The following NDUFA12 variants were observed in gnomAD, a reference collection of about 807,000 sequenced individuals.
NDUFA12 encodes the protein NADH dehydrogenase [ubiquinone] 1 alpha subcomplex subunit 12.
NDUFA12 carries 17 observed loss-of-function variants against 20.3 expected under a neutral mutation model. The observed-to-expected ratio is 0.84, with a 90% confidence interval of 0.57 to 1.26. The LOEUF (loss-of-function observed/expected upper bound fraction) is 1.26. Among genes scored for constraint, NDUFA12 ranks in the 50% most tolerant of loss-of-function variants. The pLI, the probability that NDUFA12 is intolerant of heterozygous loss-of-function variation, is 0.00. For synonymous variants in NDUFA12, 72 were observed against 63.6 expected (o/e 1.13, Z -0.63); for missense variants, 191 against 183.7 (o/e 1.04, Z -0.23).
chr12:94,984,438 G>A (rs913650954), intron 3 of NDUFA12, among the ~76,000 whole-genome samples: 14 of 151,996 alleles, frequency 9.2e-5, no homozygotes, highest in African/African-American at 2.9e-4. Flanking sequence ...GCTGACGCAG[G>A]AGAATCGCTT....
At chr12:95,002,424 A>AGACAGAGC (rs1555201696) in intron 2 of NDUFA12, among the ~76,000 whole-genome samples, 4 of 122,650 alleles carry the variant, frequency 3.3e-5, no homozygotes, top group African/African-American at 1.2e-4. Flanking sequence ...CCTGGCCGAC[A>AGACAGAGC]GAGACTCCAT....
intron 3 of NDUFA12, among the ~76,000 whole-genome samples, chr12:94,992,501 T>C (rs889506837): frequency 2.0e-5 from 3 of 152,234 alleles, no homozygotes; most frequent in African/African-American, 7.2e-5. Flanking sequence ...ATATATACTG[T>C]GATGTTGACA....
chr12:94,978,700 T>C (rs1320341126), intron 3 of NDUFA12, among the ~76,000 whole-genome samples: 1 of 152,196 alleles, frequency 6.6e-6, no homozygotes, highest in Admixed American at 6.5e-5. Context: ...CAAGAGAAAA[T>C]GATTGTTCCT....
chr12:94,998,693 T>A (rs1874916368), intron 2 of NDUFA12, among the ~76,000 whole-genome samples: 1 of 152,094 alleles, frequency 6.6e-6, no homozygotes, highest in South Asian at 2.1e-4. Flanking sequence ...ACAATGACCA[T>A]GCTGAGAATC....
chr12:94,985,982 G>C (rs902934249), intron 3 of NDUFA12, among the ~76,000 whole-genome samples: 1 of 152,186 alleles, frequency 6.6e-6, no homozygotes, highest in East Asian at 1.9e-4. Context: ...CTACTCAGGA[G>C]GCTGAGGCAG....
At position 94,974,658 on chromosome 12, in the gene NDUFA12, CA is replaced by C. The variant is rs1268556553; in HGVS notation, c.258-3039del. ...TACTTAAATACAATGGGGTACTATT[CA>C]GCCATAAAAAAGAACAACATCCTGT... On this transcript the variant is annotated intron_variant, in intron 3 of 3. Transcript: ENST00000327772. Among the ~76,000 whole-genome samples the C allele has an allele frequency of 6.6e-5, 10 of 152,226 alleles. No individual in the cohort carries two copies. The East Asian group carries it at 1.7e-3, about 26-fold the overall frequency.
chr12:94,972,229 A>G (rs1873913074), intron 3 of NDUFA12, among the ~76,000 whole-genome samples: 2 of 152,232 alleles, frequency 1.3e-5, no homozygotes, highest in South Asian at 4.2e-4. Flanking sequence ...TGCCCGGCCC[A>G]TTACTGTATC....
chr12:94,978,225 T>G (rs897886910), intron 3 of NDUFA12, among the ~76,000 whole-genome samples: 3 of 152,218 alleles, frequency 2.0e-5, no homozygotes, highest in African/African-American at 7.2e-5. Flanking sequence ...TTTAAAAATA[T>G]GCACTCTCAT....
At chr12:95,000,976 TA>T (rs1238032953) in intron 2 of NDUFA12, among the ~76,000 whole-genome samples, 1 of 152,226 alleles carries the variant, frequency 6.6e-6, no homozygotes, top group Middle Eastern at 3.2e-3. Context: ...AAAAAATGTT[TA>T]ATTCATCAGT....
chr12:94,988,888 C>T (rs990445160), intron 3 of NDUFA12, among the ~76,000 whole-genome samples: 2 of 151,970 alleles, frequency 1.3e-5, no homozygotes, highest in Admixed American at 1.3e-4. Context: ...TCTCAGGGTT[C>T]GAGCCGATAC....
chr12:94,987,447 C>T (rs1018342497), intron 3 of NDUFA12, among the ~76,000 whole-genome samples: 8 of 152,116 alleles, frequency 5.3e-5, no homozygotes, highest in Non-Finnish European at 8.8e-5. Flanking sequence ...GTTCAGAACA[C>T]GCTGCTCCAA....
chr12:94,979,011 T>C (rs927262891), intron 3 of NDUFA12, among the ~76,000 whole-genome samples: 6 of 152,184 alleles, frequency 3.9e-5, no homozygotes, highest in African/African-American at 1.4e-4. Context: ...TAGGTATATG[T>C]TATTTATAAT....
chr12:94,973,934 CAG>C (rs1433195726), intron 3 of NDUFA12, among the ~76,000 whole-genome samples: 1 of 149,384 alleles, frequency 6.7e-6, no homozygotes, highest in African/African-American at 2.5e-5. Context: ...ATTGCCACAC[CAG>C]AGAGTTTTAC....
chr12:94,995,338 G>A (rs1465661229), intron 2 of NDUFA12, among the ~76,000 whole-genome samples: 3 of 152,148 alleles, frequency 2.0e-5, no homozygotes, highest in African/African-American at 7.2e-5. Flanking sequence ...AATCCAGTGA[G>A]GCAGGGGAAT....
intron 3 of NDUFA12, among the ~76,000 whole-genome samples, chr12:94,975,829 G>A (rs753829396): frequency 5.3e-5 from 8 of 152,028 alleles, no homozygotes; most frequent in East Asian, 1.9e-4. Context: ...TGGGAGGATC[G>A]CTTGAGGCCA....
intron 2 of NDUFA12, chr12:94,996,996 A>G (rs1299286943): frequency 2.6e-6 from 1 of 382,962 alleles, no homozygotes; most frequent in Non-Finnish European, 5.0e-6. Context: ...AATAGTTTTT[A>G]GACAATCTCT....
At chr12:94,981,749 T>C (rs1874247393) in intron 3 of NDUFA12, among the ~76,000 whole-genome samples, 1 of 152,210 alleles carries the variant, frequency 6.6e-6, no homozygotes, top group Non-Finnish European at 1.5e-5. Context: ...GCTCAATATA[T>C]ATTTGTTGAA....
intron 3 of NDUFA12, among the ~76,000 whole-genome samples, chr12:94,988,347 C>A (rs1161849170): frequency 6.6e-6 from 1 of 152,130 alleles, no homozygotes; most frequent in Non-Finnish European, 1.5e-5. Flanking sequence ...GACGTACACA[C>A]TAAAGTATTC....
At chr12:94,996,422 C>T (rs1165818467) in intron 2 of NDUFA12, among the ~76,000 whole-genome samples, 5 of 151,470 alleles carry the variant, frequency 3.3e-5, no homozygotes, top group Non-Finnish European at 7.4e-5. Context: ...GATCCTCCCA[C>T]CTTAGCCTCC....
Sources: gnomAD v4.1 joint callset for allele counts (sites outside exome capture counted in the v4.1 genomes callset) on GRCh38, gnomAD v4.1.1 for gene constraint, MANE v1.5 for transcripts, NCBI Gene and HGNC (gene_info 2026-07-23, HGNC 2026-07-21) for gene names.